Variants in LRRC4C observed in about 807,000 individuals in gnomAD.
LRRC4C encodes leucine rich repeat containing 4C.
LRRC4C carries 5 observed loss-of-function variants against 33.6 expected under a neutral mutation model. That is an observed-to-expected ratio of 0.15 (90% confidence interval 0.08 to 0.31). The LOEUF is 0.31. Ranked by LOEUF, LRRC4C falls within the 10% of genes least tolerant of loss-of-function variation. The pLI, the probability that LRRC4C is intolerant of heterozygous loss-of-function variation, is 1.00. For missense variants in LRRC4C, 560 were observed against 796.7 expected, an observed-to-expected ratio of 0.70 and a Z score of 3.58; for synonymous variants, 329 against 302.0, an observed-to-expected ratio of 1.09 and a Z score of -0.93.
chr11:40,371,809 T>A (rs1009892854), intron 3 of LRRC4C, among the ~76,000 whole-genome samples: 1 of 152,126 alleles, frequency 6.6e-6, no homozygotes, highest in African/African-American at 2.4e-5. Flanking sequence ...AGAACAAAGA[T>A]GCATTGTAGA....
chr11:40,255,909 A>T (rs1454179736), intron 4 of LRRC4C, among the ~76,000 whole-genome samples: 1 of 152,246 alleles, frequency 6.6e-6, no homozygotes, highest in Non-Finnish European at 1.5e-5. Context: ...TTGATACTGC[A>T]TCATTGATAT....
At chr11:40,167,493 GA>G (rs1565080075) in intron 5 of LRRC4C, among the ~76,000 whole-genome samples, 1 of 152,016 alleles carries the variant, frequency 6.6e-6, no homozygotes, top group Non-Finnish European at 1.5e-5. Context: ...AAGGCAGCAA[GA>G]AAAAAATTAA....
intron 5 of LRRC4C, among the ~76,000 whole-genome samples, chr11:40,222,809 C>A (rs1230791369): frequency 6.6e-6 from 1 of 152,090 alleles, no homozygotes; most frequent in Non-Finnish European, 1.5e-5. Context: ...GGGAAAGGGT[C>A]TCATTTAGTG....
intron 1 of LRRC4C, among the ~76,000 whole-genome samples, chr11:41,142,600 C>T (rs1943556086): frequency 6.6e-6 from 1 of 152,058 alleles, no homozygotes; most frequent in African/African-American, 2.4e-5. Flanking sequence ...TTACAATATG[C>T]AATTGAGTGC....
chr11:41,443,265 T>C (rs1164124021), intron 1 of LRRC4C, among the ~76,000 whole-genome samples: 1 of 152,080 alleles, frequency 6.6e-6, no homozygotes, highest in Non-Finnish European at 1.5e-5. Flanking sequence ...CACAGCAGTT[T>C]GGCAGGTTAA....
intron 1 of LRRC4C, among the ~76,000 whole-genome samples, chr11:41,076,223 C>T (rs1264377897): frequency 1.3e-5 from 2 of 152,312 alleles, no homozygotes; most frequent in Admixed American, 6.5e-5. Flanking sequence ...TCTAACACAT[C>T]CTAAAACTCA....
intron 6 of LRRC4C, among the ~76,000 whole-genome samples, chr11:40,129,594 G>A (rs1424300871): frequency 6.6e-6 from 1 of 152,166 alleles, no homozygotes; most frequent in Admixed American, 6.5e-5. Context: ...GACTGGATTA[G>A]CTTTCAGGTC....
At chr11:41,112,784 C>G (rs547542554) in intron 1 of LRRC4C, among the ~76,000 whole-genome samples, 1 of 152,144 alleles carries the variant, frequency 6.6e-6, no homozygotes, top group South Asian at 2.1e-4. Flanking sequence ...AAAAGAGAGT[C>G]AGAGCACATT....
At chr11:40,506,229 T>C (rs1319237645) in intron 3 of LRRC4C, among the ~76,000 whole-genome samples, 1 of 152,164 alleles carries the variant, frequency 6.6e-6, no homozygotes, top group African/African-American at 2.4e-5. Flanking sequence ...TGAGATGAAG[T>C]AGAAGTTACT....
At chr11:41,137,671 G>C (rs530106506) in intron 1 of LRRC4C, among the ~76,000 whole-genome samples, 1 of 152,184 alleles carries the variant, frequency 6.6e-6, no homozygotes, top group South Asian at 2.1e-4. Flanking sequence ...TAGATAAAAA[G>C]TGATTTATAA....
intron 2 of LRRC4C, among the ~76,000 whole-genome samples, chr11:40,757,113 A>G (rs975570412): frequency 4.6e-5 from 7 of 152,014 alleles, no homozygotes; most frequent in African/African-American, 1.7e-4. Context: ...CAACTCGACA[A>G]TACTACATCT....
At chr11:40,730,638 A>T (rs1239081242) in intron 2 of LRRC4C, among the ~76,000 whole-genome samples, 2 of 152,212 alleles carry the variant, frequency 1.3e-5, no homozygotes, top group Non-Finnish European at 2.9e-5. Context: ...TCTTTCACTT[A>T]TCACAGAGGC....
chr11:40,211,129 C>G (rs1158813950), intron 5 of LRRC4C, among the ~76,000 whole-genome samples: 3 of 152,184 alleles, frequency 2.0e-5, no homozygotes, highest in Non-Finnish European at 4.4e-5. Flanking sequence ...GCAATACACT[C>G]AAGTATCTTG....
At chr11:41,158,899 G>C (rs1025184248) in intron 1 of LRRC4C, among the ~76,000 whole-genome samples, 5 of 152,128 alleles carry the variant, frequency 3.3e-5, no homozygotes, top group African/African-American at 1.2e-4. Flanking sequence ...AGATATTCAA[G>C]AGGCTGATCT....
chr11:41,049,268 C>A (rs1858026603), intron 1 of LRRC4C, among the ~76,000 whole-genome samples: 1 of 152,118 alleles, frequency 6.6e-6, no homozygotes, highest in African/African-American at 2.4e-5. Context: ...TTTCACTTGG[C>A]TCTCATTCTC....
intron 3 of LRRC4C, among the ~76,000 whole-genome samples, chr11:40,587,526 G>C (rs1299096706): frequency 4.3e-5 from 6 of 139,672 alleles, no homozygotes; most frequent in Admixed American, 7.3e-5. Context: ...AATAGGAGTG[G>C]TGAGAGAGGG....
chr11:41,160,686 T>C (rs1334615951), intron 1 of LRRC4C, among the ~76,000 whole-genome samples: 3 of 152,124 alleles, frequency 2.0e-5, no homozygotes, highest in Admixed American at 6.6e-5. Context: ...TAAAAATAAA[T>C]TTAAAAATAG....
At chr11:41,364,970 AGT>A (rs372240682) in intron 1 of LRRC4C, among the ~76,000 whole-genome samples, 2 of 150,078 alleles carry the variant, frequency 1.3e-5, no homozygotes, top group Non-Finnish European at 1.5e-5. Flanking sequence ...AACACCATGG[AGT>A]GTGTGTGTGT....
At chr11:41,348,911 A>G (rs1369256013) in intron 1 of LRRC4C, among the ~76,000 whole-genome samples, 1 of 152,206 alleles carries the variant, frequency 6.6e-6, no homozygotes, top group East Asian at 1.9e-4. Flanking sequence ...ACAGAACTCC[A>G]GTCTGCGTGG....
Sources: allele counts gnomAD v4.1 joint callset (sites outside exome capture counted in the v4.1 genomes callset), GRCh38; gene constraint gnomAD v4.1.1; transcripts MANE v1.5; gene names NCBI Gene and HGNC (gene_info 2026-07-23, HGNC 2026-07-21).